The following CAPZB variants were observed in gnomAD, a reference collection of about 807,000 sequenced individuals.
CAPZB encodes capping actin protein of muscle Z-line subunit beta, also known as F-actin-capping protein subunit beta.
In CAPZB, 2 loss-of-function variants were observed where a neutral mutation model predicts 38.1. That is an observed-to-expected ratio of 0.05 (90% CI 0.02 to 0.17). The LOEUF (loss-of-function observed/expected upper bound fraction) is 0.17. Among genes scored for constraint, CAPZB ranks in the 10% least tolerant of loss-of-function variants. The pLI, the probability that CAPZB is intolerant of heterozygous loss-of-function variation, is 1.00. For synonymous variants in CAPZB, 107 were observed against 127.4 expected (o/e 0.84, Z 1.08); for missense variants, 161 against 334.2 (o/e 0.48, Z 4.04).
chr1:19,419,912 G>A (rs1353060374), intron 1 of CAPZB, 162 bp from the exon 2 acceptor site: 10 of 586,858 alleles, frequency 1.7e-5, no homozygotes, highest in African/African-American at 3.7e-5. Context: ...AGCGGGGGGC[G>A]ACTGTGCAGG....
intron 2 of CAPZB, among the ~76,000 whole-genome samples, chr1:19,409,735 TGCC>T (rs1339174474): frequency 6.6e-6 from 1 of 152,256 alleles, no homozygotes; most frequent in Admixed American, 6.5e-5. Flanking sequence ...AGAAGCGTTT[TGCC>T]AAAAGGTACA....
At chr1:19,471,476 A>T (rs575355630) in intron 1 of CAPZB, among the ~76,000 whole-genome samples, 1 of 152,298 alleles carries the variant, frequency 6.6e-6, no homozygotes, top group Admixed American at 6.5e-5. Flanking sequence ...TCCCACACTC[A>T]CAGTATTTAC....
chr1:19,443,987 GTC>G (rs983615506), intron 1 of CAPZB, among the ~76,000 whole-genome samples: 2 of 152,166 alleles, frequency 1.3e-5, no homozygotes, highest in African/African-American at 4.8e-5. Flanking sequence ...GTGAAACCCT[GTC>G]TCTACTAAAA....
At chr1:19,409,495 A>G (rs1364511837) in intron 2 of CAPZB, among the ~76,000 whole-genome samples, 2 of 152,190 alleles carry the variant, frequency 1.3e-5, no homozygotes, top group African/African-American at 4.8e-5. Context: ...TCCTCTGTGA[A>G]TTGCCTATGT....
chr1:19,469,201 A>C (rs2094578354), intron 1 of CAPZB, among the ~76,000 whole-genome samples: 1 of 152,210 alleles, frequency 6.6e-6, no homozygotes, highest in Non-Finnish European at 1.5e-5. Flanking sequence ...AGACACAGGC[A>C]GGAGGGAACA....
At chr1:19,428,366 G>C (rs1001652308) in intron 1 of CAPZB, among the ~76,000 whole-genome samples, 1 of 151,536 alleles carries the variant, frequency 6.6e-6, no homozygotes, top group African/African-American at 2.4e-5. Flanking sequence ...TCATGCCACT[G>C]CACTCCAGCC....
chr1:19,348,772 G>GGGC (rs2093976446), intron 6 of CAPZB, among the ~76,000 whole-genome samples: 6 of 134,394 alleles, frequency 4.5e-5, no homozygotes, highest in African/African-American at 1.7e-4. Context: ...GGGGGGGGCG[G>GGGC]TCTAGGTGAG....
chr1:19,432,993 G>A (rs1295910590), intron 1 of CAPZB, among the ~76,000 whole-genome samples: 1 of 152,188 alleles, frequency 6.6e-6, no homozygotes, highest in African/African-American at 2.4e-5. Context: ...TCCCTGGCAG[G>A]TGGATTTGTC....
chr1:19,450,143 CCAAAA>C (rs1423644045), intron 1 of CAPZB, among the ~76,000 whole-genome samples: 2 of 39,040 alleles, frequency 5.1e-5, no homozygotes, highest in African/African-American at 9.2e-5. Flanking sequence ...GACCCTGTCT[CCAAAA>C]AAAAAAAAAA....
intron 2 of CAPZB, among the ~76,000 whole-genome samples, chr1:19,411,945 G>A (rs1186713596): frequency 6.6e-6 from 1 of 152,206 alleles, no homozygotes; most frequent in African/African-American, 2.4e-5. Context: ...GAGAGGCCAG[G>A]ATGGGCAGGA....
chr1:19,398,996 A>C (rs967738686), intron 2 of CAPZB, among the ~76,000 whole-genome samples: 4 of 151,634 alleles, frequency 2.6e-5, no homozygotes, highest in African/African-American at 2.4e-5. Context: ...AGCTGGGACT[A>C]CAGGTGCTTG....
chr1:19,366,977 T>A (rs1233627351), intron 4 of CAPZB, among the ~76,000 whole-genome samples: 1 of 152,194 alleles, frequency 6.6e-6, no homozygotes, highest in Admixed American at 6.5e-5. Flanking sequence ...AAGAGAAAAC[T>A]GTCCATTCTG....
intron 2 of CAPZB, among the ~76,000 whole-genome samples, chr1:19,414,609 T>C (rs1182857179): frequency 6.6e-6 from 1 of 152,230 alleles, no homozygotes; most frequent in Admixed American, 6.5e-5. Context: ...CGGCTATTTT[T>C]GGTTTGCTCT....
rs142980191 is a variant in CAPZB at position 19,473,734 on chromosome 1, C to G, written c.3+11702G>C. 8.1e-3 allele frequency among the ~76,000 whole-genome samples: 1,227 copies of G among 152,198 alleles called. 13 individuals are homozygous for G. Among genetic ancestry groups the G allele is most frequent in the African/African-American group, 0.028 (1,150 of 41,508 alleles). On this transcript the variant is annotated intron_variant, in intron 1 of 8. Coordinates refer to ENST00000264202, the MANE Select transcript of CAPZB (RefSeq NM_004930.5). ...CAAAAATCAGCCGGGCATAGTGGCACGTGCCTGTAATCCCAGCTACTTGGG... is the reference window on the plus strand; with the variant it reads ...CAAAAATCAGCCGGGCATAGTGGCAGGTGCCTGTAATCCCAGCTACTTGGG...
intron 1 of CAPZB, among the ~76,000 whole-genome samples, chr1:19,438,468 A>G (rs187870079): frequency 5.3e-5 from 8 of 152,340 alleles, no homozygotes; most frequent in Admixed American, 1.3e-4. Flanking sequence ...AAATTCAATT[A>G]AGAAATAAAC....
rs183193706 is a variant in CAPZB, at chr1:19,345,279, C to T, written c.589-27G>A. On this transcript the variant is annotated intron_variant, in intron 6 of 8. Coordinates refer to ENST00000264202, the MANE Select transcript of CAPZB (RefSeq NM_004930.5). ...TGCAAAAGACAGAAACATTCCAAGT[C>T]AGAGAAAGCCAGAGATTTCTGAGAA... The T allele has an allele frequency of 3.4e-5, 53 of 1,578,714 alleles. No individual in the cohort carries two copies. In the African/African-American group the frequency reaches 6.5e-4, roughly 19 times the overall value.
At position 19,339,023 on chromosome 1, in the gene CAPZB, C is replaced by T. The variant is rs1167146420; in HGVS notation, c.*507G>A. On this transcript the variant is annotated 3_prime_UTR_variant, in exon 9 of 9. Coordinates refer to ENST00000264202, the MANE Select transcript of CAPZB (RefSeq NM_004930.5). ...ACGGGAGAGTCTGCGCAGGACGGCA[C>T]CGAGGGCCACCTCTGCTCCCAGAGC... 6.2e-6 allele frequency: 1 copy of T among 161,322 alleles called. No homozygotes were observed. Among genetic ancestry groups the T allele is most frequent in the African/African-American group, 2.4e-5 (1 of 41,288 alleles). 10.0% of individuals were successfully genotyped at this position (161,322 alleles called of 1,614,324 possible).
chr1:19,355,969 G>C (rs1350910952), intron 6 of CAPZB, among the ~76,000 whole-genome samples: 2 of 152,176 alleles, frequency 1.3e-5, no homozygotes, highest in African/African-American at 4.8e-5. Context: ...GTACCTTCCA[G>C]TCCAAGTCCA....
chr1:19,458,326 GTATT>G (rs1399861032), intron 1 of CAPZB, among the ~76,000 whole-genome samples: 2 of 134,464 alleles, frequency 1.5e-5, no homozygotes, highest in African/African-American at 5.4e-5. Flanking sequence ...TTTTATGAAA[GTATT>G]TATCCAAGTT....
Sources: gnomAD v4.1 joint callset for allele counts (sites outside exome capture counted in the v4.1 genomes callset) on GRCh38, gnomAD v4.1.1 for gene constraint, MANE v1.5 for transcripts, NCBI Gene and HGNC (gene_info 2026-07-23, HGNC 2026-07-21) for gene names.